The following CASZ1 variants were observed in gnomAD, a reference collection of about 807,000 sequenced individuals.
CASZ1 encodes the protein castor zinc finger 1, also known as zinc finger protein castor homolog 1.
Under a neutral mutation model 135.2 loss-of-function variants are expected in CASZ1, and 28 were observed. That is an observed-to-expected ratio of 0.21 (90% confidence interval 0.15 to 0.28). The LOEUF (loss-of-function observed/expected upper bound fraction) is 0.28. Ranked by LOEUF, CASZ1 falls within the 10% of genes least tolerant of loss-of-function variation. The pLI, the probability that CASZ1 is intolerant of heterozygous loss-of-function variation, is 1.00. For missense variants in CASZ1, 2,161 were observed against 2,453.3 expected, an observed-to-expected ratio of 0.88 and a Z score of 2.52; for synonymous variants, 1,068 against 1,073.4, an observed-to-expected ratio of 0.99 and a Z score of 0.10.
In CASZ1 at chr1:10,647,755, G is replaced by A. The variant is rs3790638; in HGVS notation, c.3497+46C>T. On this transcript the variant is annotated intron_variant, in intron 16 of 20. Transcript: ENST00000377022. The surrounding 1 kb of genome is among the most constrained non-coding windows in gnomAD (Gnocchi z 4.9). ...AGCGCCCTTGCTAGCACCTACTCCC[G>A]AGACGCGAGGGGAACGCGGGACTCC... is the stretch of plus-strand genomic sequence containing the variant. The A allele has an allele frequency of 0.025, 40,655 of 1,609,574 alleles. 595 individuals carry two copies. Among genetic ancestry groups the A allele is most frequent in the East Asian group, 0.058 (2,595 of 44,876 alleles).
intron 1 of CASZ1, among the ~76,000 whole-genome samples, chr1:10,779,427 G>A (rs1330060460): frequency 1.3e-5 from 2 of 152,080 alleles, no homozygotes; most frequent in Non-Finnish European, 2.9e-5. Context: ...TGGCACAGCC[G>A]GTGAGCTCAG....
At chr1:10,650,628 C>A (rs913989256) in intron 13 of CASZ1, 64 bp downstream of exon 13, 3 of 1,359,888 alleles carry the variant, frequency 2.2e-6, no homozygotes, top group Admixed American at 1.7e-5. Flanking sequence ...ATCCCCCCAC[C>A]CCCCAGCACA....
intron 2 of CASZ1, among the ~76,000 whole-genome samples, chr1:10,729,108 A>G (rs1258112473): frequency 3.4e-5 from 2 of 58,086 alleles, no homozygotes; most frequent in Non-Finnish European, 3.8e-5. Context: ...TGGGGAGGAG[A>G]GGGAAGGGGT....
In CASZ1 at chr1:10,720,536, G is replaced by A. The variant is rs1639478485; in HGVS notation, c.-76-14992C>T. 6.6e-6 allele frequency among the ~76,000 whole-genome samples: 1 copy of A among 152,202 alleles called. No individual in the cohort carries two copies. The highest frequency in any genetic ancestry group is 2.4e-5 in the African/African-American group (1 of 41,454). ...GGCCCTGGACTGTAAGGCTGGAGGG[G>A]AAGGTGGGAAGACTTGGGCAGTCCC... On this transcript the variant is annotated intron_variant, in intron 2 of 20. Transcript: ENST00000377022. The surrounding 1 kb of genome is among the most constrained non-coding windows in gnomAD (Gnocchi z 5.7).
At chr1:10,663,728 G>C (rs1388800520) in intron 5 of CASZ1, among the ~76,000 whole-genome samples, 5 of 152,236 alleles carry the variant, frequency 3.3e-5, no homozygotes, top group African/African-American at 9.6e-5. Flanking sequence ...GGCAGCCAAG[G>C]CTCCGCTGTC....
intron 1 of CASZ1, among the ~76,000 whole-genome samples, chr1:10,790,897 T>G (rs1557574259): frequency 6.6e-6 from 1 of 151,004 alleles, no homozygotes; most frequent in Non-Finnish European, 1.5e-5. Context: ...TTCTAAAGTT[T>G]GGGGGGGGAC....
At chr1:10,691,078 CCCCT>C (rs3835307) in intron 4 of CASZ1, among the ~76,000 whole-genome samples, 52,184 of 139,332 alleles carry the variant, frequency 0.37, 11,274 homozygotes, top group Non-Finnish European at 0.47. Flanking sequence ...CTTCCTCTCT[CCCCT>C]CCCTCCCTCC....
Position 10,646,205 on chromosome 1 carries a change from T to C in CASZ1, c.3619A>G (p.Ile1207Val). ...TTCACCAGGTTGTTGTTGGGGTTGATGTGGTCCAGGCAGTGGGATTCGGCC... is the reference window on the plus strand; with the variant it reads ...TTCACCAGGTTGTTGTTGGGGTTGACGTGGTCCAGGCAGTGGGATTCGGCC... The part of the protein sequence containing the change: ...GKAESHCLDH[I>V]NPNNNLVNVR... Residue 1207 changes from isoleucine to valine, a missense_variant, in exon 17 of 21, where the codon ATC (isoleucine) becomes GTC (valine). Physicochemically the swap from Ile to Val is conservative, Grantham distance 29. Transcript: ENST00000377022. The surrounding 1 kb of genome is among the most constrained non-coding windows in gnomAD (Gnocchi z 6.4). 1.9e-6 allele frequency: 3 copies of C among 1,614,194 alleles called. No homozygotes were observed. Among genetic ancestry groups the C allele is most frequent in the Non-Finnish European group, 2.5e-6 (3 of 1,180,032 alleles).
chr1:10,669,433 T>C (rs925194640), intron 4 of CASZ1, among the ~76,000 whole-genome samples: 3 of 152,166 alleles, frequency 2.0e-5, no homozygotes, highest in African/African-American at 7.2e-5. Context: ...AATAAATAAT[T>C]TACTGATATT....
intron 1 of CASZ1, among the ~76,000 whole-genome samples, chr1:10,786,714 G>A (rs754157952): frequency 2.6e-5 from 4 of 151,622 alleles, no homozygotes; most frequent in African/African-American, 2.4e-5. Flanking sequence ...CAGCTAACTC[G>A]CTCCAGAATG....
rs999939359 is a variant in CASZ1, at chr1:10,700,403, G to A, written c.-24+5089C>T. Reference sequence around the variant, plus strand: ...GGAGGGGTCCCAGGAGGGGAGGCCCGCTGTCCTTATGGGAGGTGTGAGGTT... The same window carrying A: ...GGAGGGGTCCCAGGAGGGGAGGCCCACTGTCCTTATGGGAGGTGTGAGGTT... On this transcript the variant is annotated intron_variant, in intron 3 of 20. Coordinates refer to ENST00000377022, the MANE Select transcript of CASZ1 (RefSeq NM_001079843.3). This position sits in a 1 kb window ranked among gnomAD's most constrained non-coding sequence, Gnocchi z 4.2. 6.6e-6 allele frequency among the ~76,000 whole-genome samples: 1 copy of A among 152,196 alleles called. No homozygotes were observed. The highest frequency in any genetic ancestry group is 6.5e-5 in the Admixed American group (1 of 15,290).
chr1:10,689,100 G>T (rs1228770051), intron 4 of CASZ1, among the ~76,000 whole-genome samples: 3 of 152,170 alleles, frequency 2.0e-5, no homozygotes, highest in Non-Finnish European at 4.4e-5. Context: ...GGGGGCATGG[G>T]GGGTGGGCCA....
At position 10,794,035 on chromosome 1, in the gene CASZ1, G is replaced by A. The variant is rs1036711366; in HGVS notation, c.-234+2529C>T. On this transcript the variant is annotated intron_variant, in intron 1 of 20. Coordinates refer to ENST00000377022, the MANE Select transcript of CASZ1 (RefSeq NM_001079843.3). This position sits in a 1 kb window ranked among gnomAD's most constrained non-coding sequence, Gnocchi z 5.6. The stretch of plus-strand genomic sequence containing the variant: ...CCAGCGCCCCCTCCGGGCACGTGGA[G>A]CGCAGCCCCGGCTCAGCCCCCGGGG... Among the ~76,000 whole-genome samples, 3 of 152,198 alleles carry A rather than the reference G, an allele frequency of 2.0e-5. No homozygotes were observed. The highest frequency in any genetic ancestry group is 7.2e-5 in the African/African-American group (3 of 41,460).
rs1570403969 is a variant in CASZ1 at position 10,647,259 on chromosome 1, C to G, written c.3497+542G>C. 4.0e-6 allele frequency: 4 copies of G among 996,242 alleles called. No homozygotes were observed. The highest frequency in any genetic ancestry group is 8.8e-5 in the South Asian group (2 of 22,776). The allele number at this position is 996,242 out of a possible 1,614,324, so 61.7% of individuals were successfully genotyped here. ...TTTATTGAGAACAGGAAGCCGCACA[C>G]ATGACAATACAAAGTCACCGTTCTC... On this transcript the variant is annotated intron_variant, in intron 16 of 20. Coordinates refer to ENST00000377022, the MANE Select transcript of CASZ1 (RefSeq NM_001079843.3). The surrounding 1 kb of genome is among the most constrained non-coding windows in gnomAD (Gnocchi z 4.9).
intron 20 of CASZ1, 44 bp from the exon 21 acceptor site, chr1:10,640,103 G>A (rs780918239): frequency 5.8e-6 from 9 of 1,564,482 alleles, no homozygotes; most frequent in Middle Eastern, 1.7e-4. Context: ...GGACCCACGT[G>A]GGCACCATCA....
chr1:10,789,298 C>A (rs563739027), intron 1 of CASZ1, among the ~76,000 whole-genome samples: 2 of 150,718 alleles, frequency 1.3e-5, no homozygotes, highest in African/African-American at 4.9e-5. Flanking sequence ...CCCACCCCAG[C>A]CTCCAGGCCT....
In CASZ1 at chr1:10,637,406, C is replaced by A. The variant is rs4845938; in HGVS notation, c.*1536G>T. 0.019 allele frequency: 2,901 copies of A among 152,636 alleles called. 65 individuals carry two copies. Among genetic ancestry groups the A allele is most frequent in the East Asian group, 0.065 (339 of 5,186 alleles). The allele number at this position is 152,636 out of a possible 1,614,324, so 9.5% of individuals were successfully genotyped here. Reference sequence around the variant, plus strand: ...GTGGTCCTGGCTTTCTGGCTGTGGGCAGCTGAGAGGACAAAAGAAAGGAAG... The same window carrying A: ...GTGGTCCTGGCTTTCTGGCTGTGGGAAGCTGAGAGGACAAAAGAAAGGAAG... On this transcript the variant is annotated 3_prime_UTR_variant, in exon 21 of 21. Coordinates refer to ENST00000377022, the MANE Select transcript of CASZ1 (RefSeq NM_001079843.3).
chr1:10,649,442 G>A lies in CASZ1; in HGVS notation c.2881-5C>T, dbSNP rs60148005. The A allele has an allele frequency of 4.2e-4, 677 of 1,604,306 alleles. 7 individuals are homozygous for A. In the East Asian group the frequency reaches 6.6e-3, roughly 16 times the overall value. The stretch of plus-strand genomic sequence containing the variant: ...GCCAGGGTTGCCCTGAGACATCTGT[G>A]AGGGACAGAGGCCGAGCATGGGGCT... On this transcript the variant is annotated splice_polypyrimidine_tract_variant and splice_region_variant and intron_variant, in intron 13 of 20. Transcript: ENST00000377022.
intron 4 of CASZ1, among the ~76,000 whole-genome samples, chr1:10,675,792 A>ACCCCCCCCCCCCCCC (rs373360825): frequency 9.4e-6 from 1 of 106,492 alleles, no homozygotes. Flanking sequence ...CTAGCACATG[A>ACCCCCCCCCCCCCCC]CCCCCCCCCC....
Sources: allele counts gnomAD v4.1 joint callset (sites outside exome capture counted in the v4.1 genomes callset), GRCh38; gene constraint gnomAD v4.1.1; non-coding constraint Gnocchi (gnomAD v3.1); transcripts MANE v1.5; gene names NCBI Gene and HGNC (gene_info 2026-07-23, HGNC 2026-07-21).